The following AIF1L variants were observed in gnomAD, a reference collection of about 807,000 sequenced individuals.
AIF1L encodes allograft inflammatory factor 1-like.
A neutral mutation model predicts 20.7 loss-of-function variants in AIF1L; 12 were observed. The observed-to-expected ratio is 0.58, with a 90% CI of 0.37 to 0.94. The LOEUF is 0.94. Among genes scored for constraint, AIF1L ranks in the 40% least tolerant of loss-of-function variants. AIF1L has a pLI of 0.01. For synonymous variants in AIF1L, 76 were observed against 65.1 expected (o/e 1.17, Z -0.81); for missense variants, 173 against 185.3 (o/e 0.93, Z 0.39).
At chr9:131,117,470 G>A (rs775102323) in intron 4 of AIF1L, among the ~76,000 whole-genome samples, 6 of 152,342 alleles carry the variant, frequency 3.9e-5, no homozygotes, top group Non-Finnish European at 8.8e-5. Context: ...GTTGGTGGGA[G>A]CAGGGGTTCA....
rs767967867 is a variant in AIF1L, at chr9:131,114,585, A to C, written c.169A>C (p.Met57Leu). The change falls in exon 4 of 6, where the codon ATG becomes CTG. Residue 57 changes from methionine to leucine, a missense_variant. By Grantham distance (15) the Met-to-Leu change is conservative. Transcript: ENST00000247291. ...EKLTAFKEKY[M>L]EFDLNNEGEI... ...TGCTCTGTGATTTCCAGAGAAGTAC[A>C]TGGAGTTTGACCTGAACAATGAAGG... 1.2e-5 allele frequency: 20 copies of C among 1,614,152 alleles called. No homozygotes were observed. The highest frequency in any genetic ancestry group is 1.7e-5 in the Non-Finnish European group (20 of 1,179,980).
chr9:131,110,606 C>T (rs1344465445), intron 2 of AIF1L, among the ~76,000 whole-genome samples: 3 of 151,222 alleles, frequency 2.0e-5, no homozygotes, highest in African/African-American at 4.9e-5. Context: ...CAGGTTTAAG[C>T]TATTCTCCTG....
chr9:131,099,420 G>C (rs1401812964), intron 2 of AIF1L, among the ~76,000 whole-genome samples: 3 of 152,396 alleles, frequency 2.0e-5, no homozygotes, highest in African/African-American at 7.2e-5. Flanking sequence ...GGGCAGTGCA[G>C]AGGGCCTGAG....
chr9:131,112,030 C>G, intron 3 of AIF1L: 2 of 243,646 alleles, frequency 8.2e-6, no homozygotes, highest in Non-Finnish European at 8.1e-6. Flanking sequence ...GCCTCTCCCC[C>G]TCCCCAGCAG....
intron 2 of AIF1L, among the ~76,000 whole-genome samples, chr9:131,105,822 T>C (rs1251251044): frequency 1.6e-5 from 2 of 123,070 alleles, no homozygotes; most frequent in African/African-American, 3.0e-5. Flanking sequence ...TGTTTTGTTG[T>C]TGTTGTTGTT....
intron 4 of AIF1L, among the ~76,000 whole-genome samples, chr9:131,116,653 C>A (rs2133405385): frequency 6.6e-6 from 1 of 152,310 alleles, no homozygotes; most frequent in South Asian, 2.1e-4. Flanking sequence ...CATTTGGATG[C>A]CTTCCAATTT....
intron 5 of AIF1L, among the ~76,000 whole-genome samples, chr9:131,118,577 C>T (rs568406544): frequency 2.7e-5 from 4 of 145,690 alleles, no homozygotes; most frequent in South Asian, 4.4e-4. Context: ...TTTGAGATCT[C>T]GCTCTGTCAC....
intron 3 of AIF1L, chr9:131,111,930 C>T (rs1830898555): frequency 4.0e-6 from 2 of 501,542 alleles, no homozygotes; most frequent in Non-Finnish European, 3.6e-6. Context: ...CCTCACTGCC[C>T]ACGGGGCTCA....
intron 5 of AIF1L, among the ~76,000 whole-genome samples, chr9:131,119,464 G>C (rs1453005100): frequency 6.8e-6 from 1 of 147,252 alleles, no homozygotes; most frequent in Admixed American, 6.8e-5. Flanking sequence ...TCGTGACATT[G>C]CCCTCCAGCC....
At chr9:131,102,980 G>T (rs1407650436) in intron 2 of AIF1L, 3 of 456,404 alleles carry the variant, frequency 6.6e-6, no homozygotes, top group Non-Finnish European at 8.8e-6. Context: ...TCGCCAGAAG[G>T]TGCTAGAGGT....
rs999372635 is a variant in AIF1L, at chr9:131,121,654, CTTAG to C, written c.*1340_*1343del. On this transcript the variant is annotated 3_prime_UTR_variant, in exon 6 of 6. Transcript: ENST00000247291. Reference sequence around the variant, plus strand: ...ACACCTCATTTCCAGTGTGGGCTGCCTTAGTTAGTTATGAGAACAGGGAAGGGCT... The same window carrying C: ...ACACCTCATTTCCAGTGTGGGCTGCCTTAGTTATGAGAACAGGGAAGGGCT... 3.3e-5 allele frequency: 5 copies of C among 152,812 alleles called. No homozygotes were observed. The highest frequency in any genetic ancestry group is 4.8e-5 in the African/African-American group (2 of 41,446). 9.5% of individuals were successfully genotyped at this position (152,812 alleles called of 1,614,324 possible).
At chr9:131,103,100 C>T (rs1280653925) in intron 2 of AIF1L, 1 of 422,344 alleles carries the variant, frequency 2.4e-6, no homozygotes, top group Non-Finnish European at 4.8e-6. Context: ...AACAGCCCCT[C>T]CTGGGCATAG....
intron 2 of AIF1L, among the ~76,000 whole-genome samples, chr9:131,105,106 G>A (rs761722161): frequency 7.5e-4 from 114 of 152,296 alleles, no homozygotes; most frequent in Admixed American, 3.6e-3. Context: ...AGGGACGGGG[G>A]GAGGATGCCT....
intron 2 of AIF1L, among the ~76,000 whole-genome samples, chr9:131,097,334 C>T (rs1456533917): frequency 1.3e-5 from 2 of 152,240 alleles, no homozygotes; most frequent in East Asian, 1.9e-4. Flanking sequence ...GTCCTCCCTC[C>T]TCATCCTCCC....
chr9:131,114,655 G>A, intron 4 of AIF1L, 37 bp downstream of exon 4: 2 of 1,612,964 alleles, frequency 1.2e-6, no homozygotes, highest in Admixed American at 1.7e-5. Flanking sequence ...GGAGGAGGGT[G>A]TTAAGTGGGT....
intron 4 of AIF1L, among the ~76,000 whole-genome samples, chr9:131,115,474 A>AAG (rs1830990275): frequency 2.7e-5 from 4 of 146,798 alleles, no homozygotes; most frequent in Non-Finnish European, 6.0e-5. Flanking sequence ...AAAAAAAAAA[A>AAG]GCAAAAAGAA....
intron 2 of AIF1L, among the ~76,000 whole-genome samples, chr9:131,097,986 C>T (rs945046603): frequency 3.9e-5 from 6 of 152,246 alleles, no homozygotes; most frequent in African/African-American, 1.4e-4. Flanking sequence ...CCTCTGGTCC[C>T]CTGGACACCC....
At position 131,111,600 on chromosome 9, in the gene AIF1L, T is replaced by C. The variant is rs1449459747; in HGVS notation, c.97T>C (p.Phe33Leu). The change falls in exon 3 of 6, where the codon TTT becomes CTT. Residue 33 changes from phenylalanine to leucine, a missense_variant. Coordinates refer to ENST00000247291, the MANE Select transcript of AIF1L (RefSeq NM_031426.4). ...ERRLAEINRE[F>L]LCDQKYSDEE... The stretch of plus-strand genomic sequence containing the variant: ...CACTGTCCTCTCACCTCTGTAGGAG[T>C]TTCTGTGTGACCAGAAGTACAGTGA... 6.2e-7 allele frequency: 1 copy of C among 1,613,612 alleles called. No individual in the cohort carries two copies. The highest frequency in any genetic ancestry group is 8.5e-7 in the Non-Finnish European group (1 of 1,179,814).
rs1831133676 is a variant in AIF1L, at chr9:131,121,326, T to A, written c.*1004T>A. 7.2e-6 allele frequency: 4 copies of A among 557,030 alleles called. No individual in the cohort carries two copies. The highest frequency in any genetic ancestry group is 1.3e-5 in the Non-Finnish European group (4 of 309,184). 34.5% of individuals were successfully genotyped at this position (557,030 alleles called of 1,614,324 possible). On this transcript the variant is annotated 3_prime_UTR_variant, in exon 6 of 6. Transcript: ENST00000247291. ...TCACCAGATATTTATTGACCTGCTA[T>A]TATAAGCTTTACATCCTCCCATGTT...
Sources: allele counts gnomAD v4.1 joint callset (sites outside exome capture counted in the v4.1 genomes callset), GRCh38; gene constraint gnomAD v4.1.1; transcripts MANE v1.5; gene names NCBI Gene and HGNC (gene_info 2026-07-23, HGNC 2026-07-21).